KLHL30: variants seen among roughly 807,000 people sequenced by gnomAD.
KLHL30 encodes the protein kelch-like protein 30.
Under a neutral mutation model 55.0 loss-of-function variants are expected in KLHL30, and 55 were observed. The observed-to-expected ratio is 1.00, with a 90% CI of 0.80 to 1.25. The LOEUF (loss-of-function observed/expected upper bound fraction) is 1.25, where lower values mean the gene tolerates loss of function less well. KLHL30 is among the 50% of genes most tolerant of loss of function. The pLI, the probability that KLHL30 is intolerant of heterozygous loss-of-function variation, is 0.00. For missense variants in KLHL30, 786 were observed against 811.6 expected, an observed-to-expected ratio of 0.97 and a Z score of 0.38; for synonymous variants, 356 against 372.6, an observed-to-expected ratio of 0.96 and a Z score of 0.51.
At chr2:238,144,396 AAGGAAGGAAG>A (rs1692597569) in intron 3 of KLHL30, among the ~76,000 whole-genome samples, 9 of 101,590 alleles carry the variant, frequency 8.9e-5, no homozygotes, top group African/African-American at 3.9e-4. Context: ...GGAAGGAAGG[AAGGAAGGAAG>A]GAAGGAAGGA....
At position 238,147,892 on chromosome 2, in the gene KLHL30, G is replaced by C; in HGVS notation, c.1209G>C (p.Thr403=). Residue 403 remains threonine, a synonymous_variant, in exon 6 of 8, where the codon ACG becomes ACC. Transcript: ENST00000409223. The surrounding 1 kb of genome is among the most constrained non-coding windows in gnomAD (Gnocchi z 5.8). ...ATGACCCCTACACGGACAGCTGGAC[G>C]CCCGTCAGCCCGGCCCTCAAATACG... is the stretch of plus-strand genomic sequence containing the variant. The part of the protein sequence containing the change: ...ESYDPYTDSW[T]PVSPALKYVS... 6.3e-7 allele frequency: 1 copy of C among 1,598,430 alleles called. No individual in the cohort carries two copies. The highest frequency in any genetic ancestry group is 8.5e-7 in the Non-Finnish European group (1 of 1,172,136).
intron 1 of KLHL30, among the ~76,000 whole-genome samples, chr2:238,139,506 G>T (rs1414670486): frequency 6.6e-6 from 1 of 152,112 alleles, no homozygotes; most frequent in Non-Finnish European, 1.5e-5. Flanking sequence ...GGGTTGGTCC[G>T]CGAGGCCCTG....
Position 238,140,905 on chromosome 2 carries a change from C to T in KLHL30, c.151C>T (p.Leu51=), listed in dbSNP as rs369924075. 147 of 1,610,818 alleles carry T rather than the reference C, an allele frequency of 9.1e-5. No individual in the cohort carries two copies. The highest frequency in any genetic ancestry group is 2.0e-4 in the Admixed American group (12 of 59,942). The change falls in exon 2 of 8, where the codon CTG becomes TTG. Residue 51 remains leucine (L), a synonymous_variant. Coordinates refer to ENST00000409223, the MANE Select transcript of KLHL30 (RefSeq NM_198582.4). The part of the protein sequence containing the change: ...GRELPCHRGL[L]ALSSPYFHAM... The stretch of plus-strand genomic sequence containing the variant: ...GGAGCTGCCATGCCACCGCGGCCTC[C>T]TGGCGCTCAGCAGCCCCTACTTCCA...
rs1251600800 is a variant in KLHL30, at chr2:238,142,886, C to T, written c.862C>T (p.Pro288Ser). The change falls in exon 3 of 8, where the codon CCC (proline) becomes TCC (serine). Residue 288 changes from proline to serine, a missense_variant. Physicochemically the swap from Pro to Ser is moderately conservative, Grantham distance 74. Transcript: ENST00000409223. ...ALEEEEAGEE[P>S]TPGLGNFAFY... ...GGAGGAGGAGGAGGCAGGTGAGGAG[C>T]CCACCCCCGGCCTTGGGAACTTTGC... 1 of 1,486,820 alleles carries T rather than the reference C, an allele frequency of 6.7e-7. No individual in the cohort carries two copies. The highest frequency in any genetic ancestry group is 2.8e-5 in the Admixed American group (1 of 35,104). The allele number at this position is 1,486,820 out of a possible 1,614,324, so 92.1% of individuals were successfully genotyped here.
In KLHL30 at chr2:238,152,093, G is replaced by A. The variant is rs111521775; in HGVS notation, c.*1028G>A. ...GCGTGTCCCTCCTGTCACAGGCTCC[G>A]CCCTGGGACATGGGGCTAGAAGTCA... On this transcript the variant is annotated 3_prime_UTR_variant, in exon 8 of 8. Transcript: ENST00000409223. 155 of 985,484 alleles carry A rather than the reference G, an allele frequency of 1.6e-4. No homozygotes were observed. Among genetic ancestry groups the A allele is most frequent in the African/African-American group, 9.4e-4 (54 of 57,352 alleles). The allele number at this position is 985,484 out of a possible 1,614,324, so 61.0% of individuals were successfully genotyped here. A position where few individuals can be genotyped will look rare whatever the true frequency, so the allele number is the denominator to read the frequency against.
In KLHL30 at chr2:238,140,871, G is replaced by A. The variant is rs1270581731; in HGVS notation, c.117G>A (p.Val39=). 6.2e-7 allele frequency: 1 copy of A among 1,611,016 alleles called. No homozygotes were observed. Among genetic ancestry groups the A allele is most frequent in the African/African-American group, 1.3e-5 (1 of 74,930 alleles). ...AGCTGGCCGACGTCACACTGCTGGT[G>A]GGCGGCCGGGAGCTGCCATGCCACC... ...QPKLADVTLL[V]GGRELPCHRG... The change falls in exon 2 of 8, where the codon GTG becomes GTA. Residue 39 remains valine, a synonymous_variant. Transcript: ENST00000409223.
intron 5 of KLHL30, among the ~76,000 whole-genome samples, chr2:238,146,945 G>T (rs1336245154): frequency 6.7e-6 from 1 of 149,778 alleles, no homozygotes; most frequent in African/African-American, 2.5e-5. Flanking sequence ...GGCAGAGGTT[G>T]CAGTGAGCCG....
rs773785680 is a variant in KLHL30 at position 238,141,160 on chromosome 2, C to T, written c.406C>T (p.Leu136=). The stretch of plus-strand genomic sequence containing the variant: ...GCAGCAACTGGATGCCGCCAACTGC[C>T]TGGGCATCTGTGAGTTCGGGGAGCA... ...LQQQLDAANC[L]GICEFGEQQG... is the part of the protein sequence containing the mutation. The change falls in exon 2 of 8, where the codon CTG becomes TTG. Residue 136 remains leucine (L), a synonymous_variant. Transcript: ENST00000409223. The T allele has an allele frequency of 5.6e-6, 9 of 1,611,812 alleles. No individual in the cohort carries two copies. In the South Asian group the frequency reaches 7.7e-5, roughly 14 times the overall value.
chr2:238,149,931 C>T (rs987169671), intron 7 of KLHL30, among the ~76,000 whole-genome samples: 4 of 152,168 alleles, frequency 2.6e-5, no homozygotes, highest in African/African-American at 9.7e-5. Flanking sequence ...CCCAAGACTC[C>T]CAGTCCCTGC....
chr2:238,139,575 C>T (rs903828630), intron 1 of KLHL30, among the ~76,000 whole-genome samples: 3 of 152,158 alleles, frequency 2.0e-5, no homozygotes, highest in African/African-American at 4.8e-5. Context: ...GTCGGGAAGT[C>T]GGGGAGCCCT....
chr2:238,148,045 G>A, intron 6 of KLHL30, 23 bp downstream of exon 6: 2 of 1,377,584 alleles, frequency 1.5e-6, no homozygotes, highest in Non-Finnish European at 1.9e-6. Flanking sequence ...CAGGGACCGA[G>A]GATAGAGGAC....
In KLHL30 at chr2:238,141,254, G is replaced by C. The variant is rs754905885; in HGVS notation, c.500G>C (p.Arg167Pro). Residue 167 changes from arginine (R) to proline (P), a missense_variant, in exon 2 of 8, where the codon CGT (arginine) becomes CCT (proline). By Grantham distance (103) the Arg-to-Pro change is moderately radical. Transcript: ENST00000409223. The part of the protein sequence containing the change: ...FLRENFEAVA[R>P]EDEFLQLPRE... Reference sequence around the variant, plus strand: ...CGAGAGAACTTTGAGGCTGTGGCACGTGAGGACGAGTTCCTGCAGCTTCCC... The same window carrying C: ...CGAGAGAACTTTGAGGCTGTGGCACCTGAGGACGAGTTCCTGCAGCTTCCC... The C allele has an allele frequency of 6.2e-7, 1 of 1,605,764 alleles. No individual in the cohort carries two copies. Among genetic ancestry groups the C allele is most frequent in the Non-Finnish European group, 8.5e-7 (1 of 1,179,404 alleles).
At position 238,140,833 on chromosome 2, in the gene KLHL30, C is replaced by A; in HGVS notation, c.79C>A (p.Arg27Ser). The change falls in exon 2 of 8, where the codon CGC becomes AGC. Residue 27 changes from arginine (R) to serine (S), a missense_variant. Transcript: ENST00000409223. Reference sequence around the variant, plus strand: ...CATGCTGGATGGCCTGCAGCGCCTGCGCTCTCAGCCCAAGCTGGCCGACGT... The same window carrying A: ...CATGCTGGATGGCCTGCAGCGCCTGAGCTCTCAGCCCAAGCTGGCCGACGT... ...QDMLDGLQRL[R>S]SQPKLADVTL... 1 of 1,608,458 alleles carries A rather than the reference C, an allele frequency of 6.2e-7. No individual in the cohort carries two copies. Among genetic ancestry groups the A allele is most frequent in the Admixed American group, 1.7e-5 (1 of 59,748 alleles).
chr2:238,141,321 G>A lies in KLHL30; in HGVS notation c.567G>A (p.Gln189=). ...CTTGTCTGGCCGGCGACCTGCTGCA[G>A]GTACAGCCGGAGCAAAGCCGACTCG... ...LVTCLAGDLL[Q]VQPEQSRLEA... is the part of the protein sequence containing the mutation. Residue 189 remains glutamine, a synonymous_variant, in exon 2 of 8, where the codon CAG becomes CAA. Transcript: ENST00000409223. 1.3e-6 allele frequency: 2 copies of A among 1,598,014 alleles called. No homozygotes were observed. The highest frequency in any genetic ancestry group is 1.7e-6 in the Non-Finnish European group (2 of 1,175,560).
intron 4 of KLHL30, 81 bp from the exon 5 acceptor site, chr2:238,145,596 T>A (rs558052497): frequency 2.0e-6 from 3 of 1,479,976 alleles, no homozygotes; most frequent in Admixed American, 2.0e-5. Context: ...TGGGAGGAGG[T>A]CCCTGGACAT....
At position 238,151,083 on chromosome 2, in the gene KLHL30, C is replaced by T. The variant is rs1559278445; in HGVS notation, c.*18C>T. 8.3e-6 allele frequency: 13 copies of T among 1,570,224 alleles called. No homozygotes were observed. The highest frequency in any genetic ancestry group is 4.7e-5 in the South Asian group (4 of 85,908). On this transcript the variant is annotated 3_prime_UTR_variant, in exon 8 of 8. Coordinates refer to ENST00000409223, the MANE Select transcript of KLHL30 (RefSeq NM_198582.4). The stretch of plus-strand genomic sequence containing the variant: ...AGCACTAAACCAGGGCCAGGGTCCC[C>T]GGGGAGGAGTCCCCACAGCGGCCCC...
intron 2 of KLHL30, 86 bp from the exon 3 acceptor site, chr2:238,142,713 C>A: frequency 7.9e-7 from 1 of 1,267,966 alleles, no homozygotes; most frequent in Non-Finnish European, 1.0e-6. Flanking sequence ...CATGCACTCA[C>A]ATGCTGAGGC....
At chr2:238,140,012 C>T (rs966960243) in intron 1 of KLHL30, among the ~76,000 whole-genome samples, 2 of 152,264 alleles carry the variant, frequency 1.3e-5, no homozygotes, top group Non-Finnish European at 2.9e-5. Context: ...TCCACCCGGC[C>T]ACGTGGAATG....
At chr2:238,150,336 A>T (rs776741017) in intron 7 of KLHL30, among the ~76,000 whole-genome samples, 1 of 152,126 alleles carries the variant, frequency 6.6e-6, no homozygotes, top group East Asian at 1.9e-4. Flanking sequence ...GCCTCTGGAA[A>T]GCCACCCGCC....
Sources: gnomAD v4.1 joint callset for allele counts (sites outside exome capture counted in the v4.1 genomes callset) on GRCh38, gnomAD v4.1.1 for gene constraint, Gnocchi (gnomAD v3.1) non-coding constraint, MANE v1.5 for transcripts, NCBI Gene and HGNC (gene_info 2026-07-23, HGNC 2026-07-21) for gene names.